Variants in MSH3 observed in about 807,000 individuals in gnomAD.
The protein encoded by MSH3 is mutS homolog 3.
In MSH3, 106 loss-of-function variants were observed where a neutral mutation model predicts 123.3. That is an observed-to-expected ratio of 0.86 (90% confidence interval 0.73 to 1.01). The LOEUF (loss-of-function observed/expected upper bound fraction) is 1.01. MSH3 is among the 50% of genes least tolerant of loss of function. MSH3 has a pLI of 0.00. For missense variants in MSH3, 1,459 were observed against 1,347.6 expected, an observed-to-expected ratio of 1.08 and a Z score of -1.29; for synonymous variants, 515 against 481.4, an observed-to-expected ratio of 1.07 and a Z score of -0.91.
Position 80,876,090 on chromosome 5 carries a change from T to C in MSH3, c.*228T>C. ...TCTTGAATAGACTTCCACTTTGTAA[T>C]TAGAAAATTTTATGGACAGTAAGTC... On this transcript the variant is annotated 3_prime_UTR_variant, in exon 24 of 24. Transcript: ENST00000265081. The C allele has an allele frequency of 2.0e-6, 1 of 492,878 alleles. No homozygotes were observed. Among genetic ancestry groups the C allele is most frequent in the Non-Finnish European group, 3.6e-6 (1 of 278,742 alleles). The allele number at this position is 492,878 out of a possible 1,614,324, so 30.5% of individuals were successfully genotyped here.
intron 19 of MSH3, among the ~76,000 whole-genome samples, chr5:80,795,285 T>C (rs532596734): frequency 1.3e-5 from 2 of 152,168 alleles, no homozygotes; most frequent in Non-Finnish European, 2.9e-5. Context: ...GACTTGTTGG[T>C]AGTATATAAT....
At chr5:80,703,098 C>A (rs1750647045) in intron 8 of MSH3, among the ~76,000 whole-genome samples, 3 of 152,206 alleles carry the variant, frequency 2.0e-5, no homozygotes, top group Non-Finnish European at 4.4e-5. Context: ...CTGATGTCAT[C>A]TTCACAACAA....
rs758718643 is a variant in MSH3 at position 80,654,905 on chromosome 5, G to GCCGCAGCGGCCGCAGCGC, written c.186_187insGCCGCAGCGCCCGCAGCG (p.Ala62_Pro63insAlaAlaAlaProAlaAla). 0.03 allele frequency: 43,936 copies of GCCGCAGCGGCCGCAGCGC among 1,480,696 alleles called. 1,000 individuals are homozygous for GCCGCAGCGGCCGCAGCGC. Among genetic ancestry groups the GCCGCAGCGGCCGCAGCGC allele is most frequent in the Non-Finnish European group, 0.035 (39,519 of 1,114,522 alleles). 91.7% of individuals were successfully genotyped at this position (1,480,696 alleles called of 1,614,324 possible). Reference sequence around the variant, plus strand: ...TGCAGCGGCTGCAGCGGCCGCAGCGGCCGCAGCGCCCCCAGCGCCCCCAGC... The same window carrying GCCGCAGCGGCCGCAGCGC: ...TGCAGCGGCTGCAGCGGCCGCAGCGGCCGCAGCGGCCGCAGCGCCCGCAGCGCCCCCAGCGCCCCCAGC... On this transcript the variant is annotated inframe_insertion, in exon 1 of 24. Transcript: ENST00000265081.
chr5:80,770,187 T>C (rs549774025), intron 15 of MSH3, among the ~76,000 whole-genome samples: 1 of 152,266 alleles, frequency 6.6e-6, no homozygotes, highest in East Asian at 1.9e-4. Context: ...TTCTGGCTAT[T>C]GGTTTAAAAT....
chr5:80,861,088 G>T (rs1012616650), intron 21 of MSH3, among the ~76,000 whole-genome samples: 3 of 152,138 alleles, frequency 2.0e-5, no homozygotes, highest in Admixed American at 2.0e-4. Context: ...TAACCATAGA[G>T]CCCTTAGCAT....
chr5:80,851,766 C>T (rs1260334132), intron 20 of MSH3, among the ~76,000 whole-genome samples: 3 of 152,112 alleles, frequency 2.0e-5, no homozygotes, highest in African/African-American at 2.4e-5. Flanking sequence ...TGGAATATGG[C>T]TTATATAGGG....
intron 20 of MSH3, among the ~76,000 whole-genome samples, chr5:80,815,963 A>G (rs1745096431): frequency 6.6e-6 from 1 of 152,260 alleles, no homozygotes; most frequent in Admixed American, 6.5e-5. Context: ...TTATCAAGGT[A>G]CAGGCACTGT....
chr5:80,839,992 T>A (rs1657198811), intron 20 of MSH3, among the ~76,000 whole-genome samples: 1 of 152,224 alleles, frequency 6.6e-6, no homozygotes, highest in Non-Finnish European at 1.5e-5. Context: ...GGTTTTAGAT[T>A]TATTAGCTTT....
chr5:80,747,594 C>T (rs1017826564), intron 12 of MSH3, among the ~76,000 whole-genome samples: 10 of 152,250 alleles, frequency 6.6e-5, no homozygotes, highest in East Asian at 3.9e-4. Flanking sequence ...GCACTTGCAA[C>T]GTATTCCAAA....
chr5:80,773,892 C>T lies in MSH3; in HGVS notation c.2254-1802C>T, dbSNP rs182284372. Reference sequence around the variant, plus strand: ...AAGTGATTCTCCTGCCTCAGCTTCCCGAGTAGCTGGGATTACAAGTGCCTG... The same window carrying T: ...AAGTGATTCTCCTGCCTCAGCTTCCTGAGTAGCTGGGATTACAAGTGCCTG... On this transcript the variant is annotated intron_variant, in intron 15 of 23. Transcript: ENST00000265081. Among the ~76,000 whole-genome samples the T allele has an allele frequency of 3.5e-3, 537 of 152,222 alleles. 2 individuals carry two copies. The highest frequency in any genetic ancestry group is 0.012 in the African/African-American group (512 of 41,546).
At chr5:80,742,713 A>G (rs906059650) in intron 11 of MSH3, among the ~76,000 whole-genome samples, 1 of 152,106 alleles carries the variant, frequency 6.6e-6, no homozygotes, top group African/African-American at 2.4e-5. Flanking sequence ...TCTTGTCATC[A>G]TCCAAAAGCT....
intron 8 of MSH3, among the ~76,000 whole-genome samples, chr5:80,722,456 C>T (rs575639291): frequency 1.3e-5 from 2 of 152,258 alleles, no homozygotes; most frequent in Admixed American, 1.3e-4. Flanking sequence ...AAAGGAAATA[C>T]TCTTTGCTTT....
At chr5:80,718,302 G>C (rs1156334112) in intron 8 of MSH3, among the ~76,000 whole-genome samples, 2 of 152,108 alleles carry the variant, frequency 1.3e-5, no homozygotes, top group Non-Finnish European at 2.9e-5. Context: ...TATATTTTTA[G>C]AGACAAAGGT....
chr5:80,710,311 C>G (rs184894442), intron 8 of MSH3, among the ~76,000 whole-genome samples: 2 of 152,184 alleles, frequency 1.3e-5, no homozygotes, highest in African/African-American at 2.4e-5. Flanking sequence ...CACACTATGT[C>G]ATACAGCCTC....
At chr5:80,717,123 G>C (rs979406125) in intron 8 of MSH3, among the ~76,000 whole-genome samples, 1 of 152,122 alleles carries the variant, frequency 6.6e-6, no homozygotes, top group African/African-American at 2.4e-5. Context: ...TGGACACTTA[G>C]GCTGAGTCCA....
At chr5:80,774,760 T>A (rs1435374031) in intron 15 of MSH3, among the ~76,000 whole-genome samples, 1 of 152,016 alleles carries the variant, frequency 6.6e-6, no homozygotes, top group Non-Finnish European at 1.5e-5. Context: ...AGCTAAAAAT[T>A]AAAACAGTTG....
intron 12 of MSH3, among the ~76,000 whole-genome samples, chr5:80,748,085 G>A (rs1473812841): frequency 6.6e-6 from 1 of 152,184 alleles, no homozygotes; most frequent in Non-Finnish European, 1.5e-5. Flanking sequence ...TTCTTCTACA[G>A]TGAGATCGTA....
chr5:80,698,656 G>C (rs1750537899), intron 8 of MSH3, among the ~76,000 whole-genome samples: 1 of 151,956 alleles, frequency 6.6e-6, no homozygotes, highest in African/African-American at 2.4e-5. Context: ...GGAGAGAAAG[G>C]GTGTATAAAG....
intron 20 of MSH3, among the ~76,000 whole-genome samples, chr5:80,831,636 A>G (rs1035175435): frequency 6.6e-6 from 1 of 151,840 alleles, no homozygotes; most frequent in African/African-American, 2.4e-5. Flanking sequence ...CTTAAAAGTT[A>G]GAGTACTTTG....
Sources: gnomAD v4.1 joint callset for allele counts (sites outside exome capture counted in the v4.1 genomes callset) on GRCh38, gnomAD v4.1.1 for gene constraint, MANE v1.5 for transcripts, NCBI Gene and HGNC (gene_info 2026-07-23, HGNC 2026-07-21) for gene names.